The following CYFIP2 variants were observed in gnomAD, a reference collection of about 807,000 sequenced individuals.
CYFIP2 encodes the protein cytoplasmic FMR1 interacting protein 2.
CYFIP2 carries 29 observed loss-of-function variants against 158.7 expected under a neutral mutation model. That is an observed-to-expected ratio of 0.18 (90% CI 0.14 to 0.25). CYFIP2 has a LOEUF of 0.25. Among genes scored for constraint, CYFIP2 ranks in the 10% least tolerant of loss-of-function variants. The pLI, the probability that CYFIP2 is intolerant of heterozygous loss-of-function variation, is 1.00. For synonymous variants in CYFIP2, 585 were observed against 617.6 expected (o/e 0.95, Z 0.78); for missense variants, 852 against 1,639.5 (o/e 0.52, Z 8.29).
At position 157,280,363 on chromosome 5, in the gene CYFIP2, A is replaced by ATTTTTTTTT. The variant is rs57893061; in HGVS notation, c.-23-4968_-23-4960dup. ...AGGCACCCACCACCACGCCTGGCTAATTTTTTTTTTTTTTTTGTATTTTTA... is the reference window on the plus strand; with the variant it reads ...AGGCACCCACCACCACGCCTGGCTAATTTTTTTTTTTTTTTTTTTTTTTTTGTATTTTTA... On this transcript the variant is annotated intron_variant, in intron 1 of 30. Transcript: ENST00000620254. Among the ~76,000 whole-genome samples the ATTTTTTTTT allele has an allele frequency of 1.5e-3, 197 of 133,206 alleles. 3 individuals are homozygous for ATTTTTTTTT. Among genetic ancestry groups the ATTTTTTTTT allele is most frequent in the Non-Finnish European group, 2.4e-3 (150 of 63,002 alleles). 87.4% of individuals were successfully genotyped at this position (133,206 alleles called of 152,430 possible). A position where few individuals can be genotyped will look rare whatever the true frequency, so the allele number is the denominator to read the frequency against.
At chr5:157,387,690 T>A (rs891749983) in intron 28 of CYFIP2, among the ~76,000 whole-genome samples, 1 of 145,100 alleles carries the variant, frequency 6.9e-6, no homozygotes, top group Non-Finnish European at 1.5e-5. Context: ...TTTTTTTTTT[T>A]AACACAAGAG....
chr5:157,293,737 T>C (rs988382914), intron 3 of CYFIP2, among the ~76,000 whole-genome samples: 1 of 152,098 alleles, frequency 6.6e-6, no homozygotes, highest in African/African-American at 2.4e-5. Context: ...ACTGAGACAG[T>C]GGTATTGCAG....
At position 157,268,542 on chromosome 5, in the gene CYFIP2, G is replaced by A. The variant is rs116690225; in HGVS notation, c.-24+2347G>A. ...CTACAAGCTAATTAACGGGAAAAGC[G>A]CTCCTGGAAAACAGTACGGGTCCCA... is the stretch of plus-strand genomic sequence containing the variant. On this transcript the variant is annotated intron_variant, in intron 1 of 30. Coordinates refer to ENST00000620254, the MANE Select transcript of CYFIP2 (RefSeq NM_001037333.3). 2.3e-3 allele frequency among the ~76,000 whole-genome samples: 350 copies of A among 152,276 alleles called. 4 individuals carry two copies. The highest frequency in any genetic ancestry group is 7.5e-3 in the African/African-American group (311 of 41,548).
At chr5:157,384,099 A>G in intron 28 of CYFIP2, 1 of 349,386 alleles carries the variant, frequency 2.9e-6, no homozygotes, top group Non-Finnish European at 5.7e-6. Flanking sequence ...AGAAGACTTC[A>G]GCCTTTTCTG....
chr5:157,383,486 A>C, intron 28 of CYFIP2, 127 bp downstream of exon 28: 1 of 782,420 alleles, frequency 1.3e-6, no homozygotes, highest in South Asian at 1.7e-5. Flanking sequence ...TCCAATACCC[A>C]AAAACTGGTT....
chr5:157,323,927 A>G lies in CYFIP2; in HGVS notation c.1678A>G (p.Met560Val). 1.3e-6 allele frequency: 2 copies of G among 1,581,126 alleles called. No homozygotes were observed. Among genetic ancestry groups the G allele is most frequent in the Non-Finnish European group, 1.7e-6 (2 of 1,162,146 alleles). Residue 560 changes from methionine to valine, a missense_variant, in exon 16 of 31, where the codon ATG becomes GTG. Coordinates refer to ENST00000620254, the MANE Select transcript of CYFIP2 (RefSeq NM_001037333.3). ...AVGPSSTQLY[M>V]VRTMLESLIA... ...TCTTGCTTTCTTTTTCAAGCTGTAC[A>G]TGGTGCGGACCATGCTTGAATCACT...
At chr5:157,319,983 A>G in intron 14 of CYFIP2, 55 bp downstream of exon 14, 1 of 1,582,576 alleles carries the variant, frequency 6.3e-7, no homozygotes, top group Non-Finnish European at 8.6e-7. Context: ...CCAGGTACCC[A>G]TCAGAGAGGA....
In CYFIP2 at chr5:157,308,159, G is replaced by A. The variant is rs1236045784; in HGVS notation, c.900+294G>A. The stretch of plus-strand genomic sequence containing the variant: ...GAGGCCCTGTGATTCTTTTCTGAAT[G>A]CTGCTTTTTTTTTTTTTTCCTGAAG... On this transcript the variant is annotated intron_variant, in intron 9 of 30. Coordinates refer to ENST00000620254, the MANE Select transcript of CYFIP2 (RefSeq NM_001037333.3). Among the ~76,000 whole-genome samples the A allele has an allele frequency of 2.1e-4, 30 of 140,850 alleles. 1 individual carries two copies. The highest frequency in any genetic ancestry group is 1.9e-3 in the Admixed American group (28 of 14,426). The allele number at this position is 140,850 out of a possible 152,430, so 92.4% of individuals were successfully genotyped here. A position where few individuals can be genotyped will look rare whatever the true frequency, so the allele number is the denominator to read the frequency against.
Position 157,285,409 on chromosome 5 carries a change from G to C in CYFIP2, c.48G>C (p.Leu16=), listed in dbSNP as rs755029730. ...AAGATGCCCTGTCCAACGTGGACCT[G>C]CTTGAAGAGCTTCCCCTCCCCGACC... ...TLEDALSNVD[L]LEELPLPDQQ... The change falls in exon 2 of 31, where the codon CTG becomes CTC. Residue 16 remains leucine, a synonymous_variant. Coordinates refer to ENST00000620254, the MANE Select transcript of CYFIP2 (RefSeq NM_001037333.3). 48 of 1,580,646 alleles carry C rather than the reference G, an allele frequency of 3.0e-5. No individual in the cohort carries two copies. The highest frequency in any genetic ancestry group is 4.0e-5 in the Non-Finnish European group (47 of 1,163,736).
At chr5:157,317,009 T>C (rs1013226553) in intron 13 of CYFIP2, among the ~76,000 whole-genome samples, 32 of 152,200 alleles carry the variant, frequency 2.1e-4, no homozygotes, top group African/African-American at 7.2e-4. Flanking sequence ...GACAAAGTCA[T>C]CCTCAAGCCT....
chr5:157,392,528 A>G (rs1226956676), intron 30 of CYFIP2, among the ~76,000 whole-genome samples: 3 of 152,178 alleles, frequency 2.0e-5, no homozygotes, highest in Admixed American at 1.3e-4. Context: ...TCATTTGATC[A>G]TATGTGTAAT....
chr5:157,336,017 C>G (rs1436274660), intron 21 of CYFIP2, among the ~76,000 whole-genome samples: 4 of 152,156 alleles, frequency 2.6e-5, no homozygotes, highest in African/African-American at 9.7e-5. Context: ...CAGAGAACAC[C>G]AGTTCCTGGG....
chr5:157,386,327 C>T (rs1766681089), intron 28 of CYFIP2, among the ~76,000 whole-genome samples: 2 of 152,112 alleles, frequency 1.3e-5, no homozygotes, highest in Admixed American at 6.5e-5. Context: ...AAGCAATCTT[C>T]CTGCCTCAGC....
intron 3 of CYFIP2, among the ~76,000 whole-genome samples, chr5:157,287,528 G>A (rs1245035051): frequency 6.6e-6 from 1 of 152,184 alleles, no homozygotes; most frequent in East Asian, 1.9e-4. Flanking sequence ...AAAAGCTGAT[G>A]GCCTAAATCA....
chr5:157,391,380 C>T (rs185752336), intron 30 of CYFIP2, among the ~76,000 whole-genome samples: 48 of 152,302 alleles, frequency 3.2e-4, no homozygotes, highest in Non-Finnish European at 5.6e-4. Context: ...TACAATCATT[C>T]CCAACATCCA....
intron 26 of CYFIP2, among the ~76,000 whole-genome samples, chr5:157,371,318 T>A (rs926371405): frequency 1.3e-5 from 2 of 152,222 alleles, no homozygotes; most frequent in African/African-American, 4.8e-5. Flanking sequence ...GTGGGGTGCC[T>A]GGACCTCCCA....
chr5:157,318,210 GT>G (rs1760307153), intron 13 of CYFIP2, among the ~76,000 whole-genome samples: 1 of 152,160 alleles, frequency 6.6e-6, no homozygotes, highest in African/African-American at 2.4e-5. Flanking sequence ...AAGAGCAGCT[GT>G]TTTTAATTTT....
chr5:157,342,925 A>C, intron 23 of CYFIP2: 1 of 1,614,202 alleles, frequency 6.2e-7, no homozygotes, highest in Non-Finnish European at 8.5e-7. Flanking sequence ...AGGCACCCGC[A>C]TCAGGGGCAT....
At chr5:157,309,683 G>C in intron 9 of CYFIP2, 60 bp from the exon 10 acceptor site, 1 of 1,474,864 alleles carries the variant, frequency 6.8e-7, no homozygotes, top group Non-Finnish European at 9.3e-7. Context: ...GGGTGGCAGC[G>C]AAGGCAGCCA....
Sources: gnomAD v4.1 joint callset for allele counts (sites outside exome capture counted in the v4.1 genomes callset) on GRCh38, gnomAD v4.1.1 for gene constraint, MANE v1.5 for transcripts, NCBI Gene and HGNC (gene_info 2026-07-23, HGNC 2026-07-21) for gene names.